FAM186B: variants seen among roughly 807,000 people sequenced by gnomAD.
FAM186B encodes the protein family with sequence similarity 186 member B.
Under a neutral mutation model 83.4 loss-of-function variants are expected in FAM186B, and 68 were observed. The ratio of observed to expected loss-of-function variants is 0.81; its 90% CI spans 0.67 to 1.00. The LOEUF is 1.00. FAM186B is among the 50% of genes least tolerant of loss of function. FAM186B has a pLI of 0.00. For missense variants in FAM186B, 983 were observed against 1,099.2 expected (o/e 0.89, Z 1.49); for synonymous variants, 389 against 422.0 (o/e 0.92, Z 0.96).
chr12:49,622,229 C>T, the FAM186B span, among the ~76,000 whole-genome samples: 21 of 134,630 alleles, frequency 1.6e-4, no homozygotes, highest in African/African-American at 4.9e-4. Flanking sequence ...CCCTCCATTC[C>T]CCTCTCCTGC....
At chr12:49,612,436 C>CTGT in the FAM186B span, among the ~76,000 whole-genome samples, 1 of 151,292 alleles carries the variant, frequency 6.6e-6, no homozygotes, top group Non-Finnish European at 1.5e-5. Flanking sequence ...CTTGTCCAAC[C>CTGT]TGTGACCCAT....
chr12:49,584,966 G>A (rs1939408956), downstream of FAM186B, among the ~76,000 whole-genome samples: 1 of 152,064 alleles, frequency 6.6e-6, no homozygotes, highest in East Asian at 1.9e-4. Context: ...ATGCCTGTGT[G>A]AGTCTGTTCA....
upstream of FAM186B, among the ~76,000 whole-genome samples, chr12:49,607,617 G>A (rs751419669): frequency 3.3e-5 from 5 of 151,958 alleles, no homozygotes; most frequent in Admixed American, 6.6e-5. Flanking sequence ...AAAAAGATAC[G>A]GTTCTATAAA....
chr12:49,619,642 A>T, the FAM186B span: 26 of 381,472 alleles, frequency 6.8e-5, no homozygotes, highest in East Asian at 1.4e-4. Flanking sequence ...GTTTTGTTGG[A>T]GGAGCTTACT....
At chr12:49,584,520 G>T, downstream of FAM186B, 1 of 702,346 alleles carries the variant, frequency 1.4e-6, no homozygotes, top group East Asian at 2.7e-5. Context: ...TGGCTTATTT[G>T]GGTTCCAGGG....
chr12:49,599,641 C>T lies in FAM186B; in HGVS notation c.1999G>A (p.Glu667Lys). 2 of 1,607,322 alleles carry T rather than the reference C, an allele frequency of 1.2e-6. No individual in the cohort carries two copies. The highest frequency in any genetic ancestry group is 8.5e-7 in the Non-Finnish European group (1 of 1,176,782). The change falls in exon 4 of 7, where the codon GAG (glutamate) becomes AAG (lysine). Residue 667 changes from glutamate to lysine, a missense_variant. Glu to Lys is a moderately conservative substitution (Grantham distance 56). Transcript: ENST00000257894. Reference sequence around the variant, plus strand: ...AGCTGCAGGTTCTTCCTCTGGGCCTCCATGTCCATGTGGTACACCTTCTTC... The same window carrying T: ...AGCTGCAGGTTCTTCCTCTGGGCCTTCATGTCCATGTGGTACACCTTCTTC... The part of the protein sequence containing the change: ...IKKKVYHMDM[E>K]AQRKNLQLLS...
Position 49,600,507 on chromosome 12 carries a change from A to G in FAM186B, c.1133T>C (p.Met378Thr). 2 of 1,614,060 alleles carry G rather than the reference A, an allele frequency of 1.2e-6. No homozygotes were observed. The highest frequency in any genetic ancestry group is 1.7e-6 in the Non-Finnish European group (2 of 1,179,984). The change falls in exon 4 of 7, where the codon ATG becomes ACG. Residue 378 changes from methionine (M) to threonine (T), a missense_variant. Met to Thr is a moderately conservative substitution (Grantham distance 81, BLOSUM62 -1). Coordinates refer to ENST00000257894, the MANE Select transcript of FAM186B (RefSeq NM_032130.3). The surrounding 1 kb of genome is among the most constrained non-coding windows in gnomAD (Gnocchi z 4.3). ...FSPLPPSPMA[M>T]IRDSGAIAAG... is the part of the protein sequence containing the mutation. ...AGCTATAGCACCACTGTCCCGTATC[A>G]TGGCCATGGGACTTGGGGGAAGTGG...
upstream of FAM186B, among the ~76,000 whole-genome samples, chr12:49,608,524 T>C (rs1565815450): frequency 6.6e-6 from 1 of 151,402 alleles, no homozygotes; most frequent in African/African-American, 2.4e-5. Flanking sequence ...ACCTTTTTTT[T>C]CCCCAAGATG....
the FAM186B span, chr12:49,619,541 GT>G: frequency 1.4e-6 from 1 of 699,022 alleles, no homozygotes; most frequent in South Asian, 1.5e-5. Context: ...CCAAGGCTTT[GT>G]TGAAGGAGCA....
Position 49,588,605 on chromosome 12 carries a change from C to T in FAM186B, c.2383G>A (p.Val795Ile), listed in dbSNP as rs775908209. 8.2e-6 allele frequency: 13 copies of T among 1,588,810 alleles called. No homozygotes were observed. Among genetic ancestry groups the T allele is most frequent in the East Asian group, 2.3e-5 (1 of 44,294 alleles). ...MFPKLQLEWN[V>I]HLNIPEVTSP... ...GTGACCTCAGGGATGTTCAGGTGAACGTTCCACTCCAGCTGGAGCTAGAGG... is the reference window on the plus strand; with the variant it reads ...GTGACCTCAGGGATGTTCAGGTGAATGTTCCACTCCAGCTGGAGCTAGAGG... Residue 795 changes from valine (V) to isoleucine (I), a missense_variant, in exon 6 of 7, where the codon GTT becomes ATT. By Grantham distance (29) the Val-to-Ile change is conservative. Coordinates refer to ENST00000257894, the MANE Select transcript of FAM186B (RefSeq NM_032130.3).
At chr12:49,595,980 T>C (rs1308619208) in intron 5 of FAM186B, among the ~76,000 whole-genome samples, 1 of 151,878 alleles carries the variant, frequency 6.6e-6, no homozygotes, top group Non-Finnish European at 1.5e-5. Context: ...CGAGACTCCG[T>C]CTCAAAAAAA....
downstream of FAM186B, chr12:49,583,072 GT>G (rs1164298346): frequency 2.2e-6 from 1 of 456,154 alleles, no homozygotes; most frequent in East Asian, 6.9e-5. Flanking sequence ...ACCAGAGCAA[GT>G]TCAGCCACCA....
chr12:49,605,130 G>A (rs947174611), intron 1 of FAM186B: 3 of 1,302,878 alleles, frequency 2.3e-6, no homozygotes, highest in African/African-American at 1.5e-5. Flanking sequence ...GTGCCTCAGG[G>A]CTATCCTCGA....
chr12:49,586,528 G>C (rs972484018), downstream of FAM186B, among the ~76,000 whole-genome samples: 2 of 152,178 alleles, frequency 1.3e-5, no homozygotes, highest in Non-Finnish European at 2.9e-5. Flanking sequence ...ATCCCAGGCA[G>C]GGAAGGGATG....
At chr12:49,616,564 T>A in the FAM186B span, among the ~76,000 whole-genome samples, 1 of 152,156 alleles carries the variant, frequency 6.6e-6, no homozygotes, top group Non-Finnish European at 1.5e-5. Flanking sequence ...TACTGACACA[T>A]GCAATGACAT....
At chr12:49,618,327 G>A in the FAM186B span, among the ~76,000 whole-genome samples, 1 of 151,280 alleles carries the variant, frequency 6.6e-6, no homozygotes, top group African/African-American at 2.4e-5. Flanking sequence ...CCTGGCGACA[G>A]AGTGAGACTC....
At chr12:49,604,635 TG>T (rs1939973013) in intron 1 of FAM186B, 97 bp from the exon 2 acceptor site, 5 of 891,016 alleles carry the variant, frequency 5.6e-6, no homozygotes. Context: ...TTAGCCTCTT[TG>T]GGTCTCAGTT....
upstream of FAM186B, among the ~76,000 whole-genome samples, chr12:49,608,780 C>CA (rs901201269): frequency 3.2e-4 from 49 of 151,446 alleles, no homozygotes; most frequent in African/African-American, 1.1e-3. Context: ...GTGGAAAGGG[C>CA]ACTTTGGGAA....
upstream of FAM186B, chr12:49,605,753 C>CT (rs200117345): frequency 0.016 from 3,560 of 228,476 alleles, 115 homozygotes; most frequent in African/African-American, 0.043. Context: ...GACTTGTTGC[C>CT]TTTTCTTTTT....
Sources: gnomAD v4.1 joint callset for allele counts (sites outside exome capture counted in the v4.1 genomes callset) on GRCh38, gnomAD v4.1.1 for gene constraint, Gnocchi (gnomAD v3.1) non-coding constraint, MANE v1.5 for transcripts, NCBI Gene and HGNC (gene_info 2026-07-23, HGNC 2026-07-21) for gene names.